Variants in SPDYE5 observed in about 807,000 individuals in gnomAD.
SPDYE5 encodes the protein speedy protein E5.
SPDYE5 carries 15 observed loss-of-function variants against 48.5 expected under a neutral mutation model. The ratio of observed to expected loss-of-function variants is 0.31; its 90% CI spans 0.21 to 0.48. SPDYE5 has a LOEUF of 0.48. Ranked by LOEUF, SPDYE5 falls within the 20% of genes least tolerant of loss-of-function variation. SPDYE5 has a pLI of 0.99. For synonymous variants in SPDYE5, 116 were observed against 200.7 expected, an observed-to-expected ratio of 0.58 and a Z score of 3.57; for missense variants, 331 against 549.1, an observed-to-expected ratio of 0.60 and a Z score of 3.97.
At chr7:75,498,147 CAG>C (rs1793007245) in intron 5 of SPDYE5, 151 bp downstream of exon 5, 1 of 587,366 alleles carries the variant, frequency 1.7e-6, no homozygotes, top group Non-Finnish European at 2.0e-6. Flanking sequence ...TTTTGTGAGA[CAG>C]AATCTTGCTC....
rs1168176654 is a variant in SPDYE5 at position 75,504,271 on chromosome 7, G to T, written c.*1484G>T. On this transcript the variant is annotated 3_prime_UTR_variant, in exon 9 of 9. Transcript: ENST00000625065. ...AGAACAATAGAGTGCGTCTCTTGGG[G>T]AAACATAATAAAAATGAACTTTTCT... The T allele has an allele frequency of 1.3e-5, 2 of 151,602 alleles. No homozygotes were observed. Among genetic ancestry groups the T allele is most frequent in the East Asian group, 3.9e-4 (2 of 5,150 alleles). 9.4% of individuals were successfully genotyped at this position (151,602 alleles called of 1,614,324 possible). A position where few individuals can be genotyped will look rare whatever the true frequency, so the allele number is the denominator to read the frequency against.
chr7:75,494,516 CA>C (rs1280246072), intron 2 of SPDYE5, among the ~76,000 whole-genome samples: 101,059 of 117,870 alleles, frequency 0.86, 42,981 homozygotes, highest in East Asian at 0.94. Context: ...TACTGCACTC[CA>C]AAAAAAAAAA....
chr7:75,494,141 C>A lies in SPDYE5; in HGVS notation c.94C>A (p.Pro32Thr). 1 of 1,535,340 alleles carries A rather than the reference C, an allele frequency of 6.5e-7. No individual in the cohort carries two copies. Among genetic ancestry groups the A allele is most frequent in the East Asian group, 2.4e-5 (1 of 40,892 alleles). Residue 32 changes from proline (P) to threonine (T), a missense_variant, in exon 2 of 9, where the codon CCC (proline) becomes ACC (threonine). By Grantham distance (38) the Pro-to-Thr change is conservative. This residue lies in a region of SPDYE5 where 67 missense variants were observed against 55.7 expected (regional missense o/e 1.20). Transcript: ENST00000625065. Reference sequence around the variant, plus strand: ...ACCGCAACCCCAGAATGAGCAGAGTCCCCAGCGGAGCACCTCGGGGTACCC... The same window carrying A: ...ACCGCAACCCCAGAATGAGCAGAGTACCCAGCGGAGCACCTCGGGGTACCC... Reference protein sequence around the residue: ...RQPQPQNEQSPQRSTSGYPLQ... With the variant: ...RQPQPQNEQSTQRSTSGYPLQ...
chr7:75,494,086 G>C lies in SPDYE5; in HGVS notation c.39G>C (p.Gln13His). The stretch of plus-strand genomic sequence containing the variant: ...AGACTAGGTTCCGTAAGAGGGGACA[G>C]ATTACGGAAAAGATCACGACCAGCC... ...RTETRFRKRG[Q>H]ITEKITTSRQ... is the part of the protein sequence containing the mutation. Residue 13 changes from glutamine to histidine, a missense_variant, in exon 2 of 9, where the codon CAG becomes CAC. Around this residue, in one of 8 missense-constraint regions of SPDYE5, gnomAD observed 67 missense variants for 55.7 expected, o/e 1.20. Coordinates refer to ENST00000625065, the MANE Select transcript of SPDYE5 (RefSeq NM_001306141.4). 8 of 1,534,756 alleles carry C rather than the reference G, an allele frequency of 5.2e-6. No homozygotes were observed. Among genetic ancestry groups the C allele is most frequent in the Middle Eastern group, 2.3e-4 (1 of 4,360 alleles).
At chr7:75,500,976 G>C (rs1157545099) in intron 6 of SPDYE5, among the ~76,000 whole-genome samples, 1 of 152,158 alleles carries the variant, frequency 6.6e-6, no homozygotes, top group African/African-American at 2.4e-5. Flanking sequence ...CTAAAGTGCT[G>C]GGATTACAGG....
At chr7:75,500,789 A>G (rs1314546026) in intron 6 of SPDYE5, among the ~76,000 whole-genome samples, 63 of 144,192 alleles carry the variant, frequency 4.4e-4, no homozygotes, top group East Asian at 2.2e-3. Context: ...ACTCACTGCA[A>G]CCTCCGCCTC....
chr7:75,501,771 G>C lies in SPDYE5; in HGVS notation c.1149+16G>C. On this transcript the variant is annotated intron_variant, in intron 7 of 8. Transcript: ENST00000625065. Reference sequence around the variant, plus strand: ...GTTGGAGGAGGTAGGTGGGGCCTGGGGAGGTGGAGGAGGTGGGGAGGAATC... The same window carrying C: ...GTTGGAGGAGGTAGGTGGGGCCTGGCGAGGTGGAGGAGGTGGGGAGGAATC... 6.4e-7 allele frequency: 1 copy of C among 1,570,974 alleles called. No homozygotes were observed. Among genetic ancestry groups the C allele is most frequent in the Admixed American group, 1.7e-5 (1 of 57,316 alleles).
chr7:75,501,756 G>C lies in SPDYE5; in HGVS notation c.1149+1G>C. On this transcript the variant is annotated splice_donor_variant, in intron 7 of 8. Coordinates refer to ENST00000625065, the MANE Select transcript of SPDYE5 (RefSeq NM_001306141.4). LOFTEE classifies it high-confidence loss of function. ...GGTTTCCCCGGAGGAGTTGGAGGAG[G>C]TAGGTGGGGCCTGGGGAGGTGGAGG... 6.5e-7 allele frequency: 1 copy of C among 1,547,360 alleles called. No homozygotes were observed. The highest frequency in any genetic ancestry group is 8.7e-7 in the Non-Finnish European group (1 of 1,144,400).
In SPDYE5 at chr7:75,503,496, T is replaced by C. The variant is rs116798206; in HGVS notation, c.*709T>C. On this transcript the variant is annotated 3_prime_UTR_variant, in exon 9 of 9. Transcript: ENST00000625065. The stretch of plus-strand genomic sequence containing the variant: ...ATTTTATTATCTTTAAATTTCTTTC[T>C]GTATTATTATATGTGCTCCTGAAGC... 0.072 allele frequency: 11,034 copies of C among 153,392 alleles called. 424 individuals carry two copies. The highest frequency in any genetic ancestry group is 0.1 in the Non-Finnish European group (7,066 of 68,982). 9.5% of individuals were successfully genotyped at this position (153,392 alleles called of 1,614,324 possible).
In SPDYE5 at chr7:75,502,042, G is replaced by A; in HGVS notation, c.*45+60G>A. On this transcript the variant is annotated intron_variant, in intron 8 of 8. Transcript: ENST00000625065. ...TTGGGGTCTATTTCGGAAATCCGAA[G>A]AACCCAATTGCTTGATCCGGCTTCA... 5 of 1,521,690 alleles carry A rather than the reference G, an allele frequency of 3.3e-6. No homozygotes were observed. In the South Asian group the frequency reaches 5.8e-5, roughly 18 times the overall value. The allele number at this position is 1,521,690 out of a possible 1,614,324, so 94.3% of individuals were successfully genotyped here.
In SPDYE5 at chr7:75,503,051, G is replaced by A. The variant is rs185370748; in HGVS notation, c.*264G>A. Reference sequence around the variant, plus strand: ...TCTAGGAGTCCTTGGAGAAAAGTAAGAAACCAGGAGTGTTTCCAGTTCCAC... The same window carrying A: ...TCTAGGAGTCCTTGGAGAAAAGTAAAAAACCAGGAGTGTTTCCAGTTCCAC... On this transcript the variant is annotated 3_prime_UTR_variant, in exon 9 of 9. Transcript: ENST00000625065. 0.07 allele frequency: 34,491 copies of A among 491,628 alleles called. 1,500 individuals are homozygous for A. Among genetic ancestry groups the A allele is most frequent in the Middle Eastern group, 0.099 (145 of 1,468 alleles). The allele number at this position is 491,628 out of a possible 1,614,324, so 30.5% of individuals were successfully genotyped here.
rs587687090 is a variant in SPDYE5 at position 75,501,246 on chromosome 7, G to T, written c.756-116G>T. On this transcript the variant is annotated intron_variant, in intron 6 of 8. Coordinates refer to ENST00000625065, the MANE Select transcript of SPDYE5 (RefSeq NM_001306141.4). Reference sequence around the variant, plus strand: ...TGAGGAAGGCGTGGCTCTCTGCAGGGTGGGTGCCAGTCCTGAGCTAGGGAC... The same window carrying T: ...TGAGGAAGGCGTGGCTCTCTGCAGGTTGGGTGCCAGTCCTGAGCTAGGGAC... The T allele has an allele frequency of 3.7e-4, 537 of 1,456,348 alleles. 6 individuals carry two copies. The East Asian group carries it at 0.011, about 30-fold the overall frequency. The allele number at this position is 1,456,348 out of a possible 1,614,324, so 90.2% of individuals were successfully genotyped here.
upstream of SPDYE5, among the ~76,000 whole-genome samples, chr7:75,491,900 G>A (rs587751146): frequency 6.6e-5 from 10 of 151,746 alleles, no homozygotes; most frequent in Admixed American, 4.6e-4. Context: ...ATTTTTAGTA[G>A]AGACGGATTT....
At chr7:75,495,813 G>C (rs1345582953) in intron 3 of SPDYE5, among the ~76,000 whole-genome samples, 11 of 152,028 alleles carry the variant, frequency 7.2e-5, no homozygotes, top group African/African-American at 2.2e-4. Flanking sequence ...GCTAAGATGG[G>C]TGGATCACTT....
At chr7:75,502,594 C>A (rs1725089697) in intron 8 of SPDYE5, among the ~76,000 whole-genome samples, 1 of 151,588 alleles carries the variant, frequency 6.6e-6, no homozygotes, top group African/African-American at 2.4e-5. Flanking sequence ...AAAGTCCTTG[C>A]TATGAAGCAG....
In SPDYE5 at chr7:75,503,955, G is replaced by A. The variant is rs1554483999; in HGVS notation, c.*1168G>A. Reference sequence around the variant, plus strand: ...AATTTTGCTTTCCTTTTTAAGAGAGGATTCTTTTCATCCTAAATCTTTTAC... The same window carrying A: ...AATTTTGCTTTCCTTTTTAAGAGAGAATTCTTTTCATCCTAAATCTTTTAC... On this transcript the variant is annotated 3_prime_UTR_variant, in exon 9 of 9. Coordinates refer to ENST00000625065, the MANE Select transcript of SPDYE5 (RefSeq NM_001306141.4). 6.6e-6 allele frequency: 1 copy of A among 151,760 alleles called. No individual in the cohort carries two copies. Among genetic ancestry groups the A allele is most frequent in the African/African-American group, 2.4e-5 (1 of 41,350 alleles). The allele number at this position is 151,760 out of a possible 1,614,324, so 9.4% of individuals were successfully genotyped here.
At chr7:75,500,948 T>C (rs1238408152) in intron 6 of SPDYE5, among the ~76,000 whole-genome samples, 1 of 152,240 alleles carries the variant, frequency 6.6e-6, no homozygotes, top group Admixed American at 6.5e-5. Flanking sequence ...TCTCAAGCGA[T>C]CCACCTGCTT....
Position 75,493,789 on chromosome 7 carries a change from T to C in SPDYE5, c.-259T>C. On this transcript the variant is annotated 5_prime_UTR_variant, in exon 2 of 9. Coordinates refer to ENST00000625065, the MANE Select transcript of SPDYE5 (RefSeq NM_001306141.4). ...CTGAGGTTGGGACAGTGGCAGGAGA[T>C]ACCATTCACCCAGGATCTCCAGGAC... The C allele has an allele frequency of 7.1e-7, 1 of 1,414,668 alleles. No homozygotes were observed. The highest frequency in any genetic ancestry group is 9.2e-7 in the Non-Finnish European group (1 of 1,083,070). The allele number at this position is 1,414,668 out of a possible 1,614,324, so 87.6% of individuals were successfully genotyped here.
At chr7:75,493,146 T>C (rs1407690550) in intron 1 of SPDYE5, among the ~76,000 whole-genome samples, 1 of 151,872 alleles carries the variant, frequency 6.6e-6, no homozygotes, top group African/African-American at 2.4e-5. Flanking sequence ...ATTTTATTCA[T>C]AGAATCCATA....
Sources: allele counts gnomAD v4.1 joint callset (sites outside exome capture counted in the v4.1 genomes callset), GRCh38; gene constraint gnomAD v4.1.1; regional missense constraint gnomAD v4.1.1; transcripts MANE v1.5; gene names NCBI Gene and HGNC (gene_info 2026-07-23, HGNC 2026-07-21).